The following ELMO1 variants were observed in gnomAD, a reference collection of about 807,000 sequenced individuals.
ELMO1 encodes the protein engulfment and cell motility 1, also known as engulfment and cell motility protein 1.
A neutral mutation model predicts 98.9 loss-of-function variants in ELMO1; 26 were observed. That is an observed-to-expected ratio of 0.26 (90% CI 0.19 to 0.36). The LOEUF is 0.36. Ranked by LOEUF, ELMO1 falls within the 10% of genes least tolerant of loss-of-function variation. The pLI is 1.00. For synonymous variants in ELMO1, 346 were observed against 346.0 expected, an observed-to-expected ratio of 1.00 and a Z score of 0.00; for missense variants, 627 against 935.2, an observed-to-expected ratio of 0.67 and a Z score of 4.30.
At chr7:37,202,460 C>G (rs999891756) in intron 13 of ELMO1, among the ~76,000 whole-genome samples, 1 of 152,214 alleles carries the variant, frequency 6.6e-6, no homozygotes, top group Non-Finnish European at 1.5e-5. Flanking sequence ...ATGATAAAAT[C>G]ACACTGGGAT....
chr7:36,935,176 T>G (rs1358139126), intron 16 of ELMO1, among the ~76,000 whole-genome samples: 1 of 152,152 alleles, frequency 6.6e-6, no homozygotes, highest in Non-Finnish European at 1.5e-5. Context: ...CGCCAGTGAA[T>G]AAGTCTCACG....
chr7:37,288,132 G>A (rs1797488575), intron 4 of ELMO1, among the ~76,000 whole-genome samples: 1 of 151,942 alleles, frequency 6.6e-6, no homozygotes. Context: ...GCTAATTTTT[G>A]TATTTTTGGT....
intron 1 of ELMO1, among the ~76,000 whole-genome samples, chr7:37,373,649 A>G (rs1802209593): frequency 6.6e-6 from 1 of 152,054 alleles, no homozygotes. Context: ...TTATGGTGCT[A>G]TTTTAATTTT....
At chr7:37,269,634 G>A (rs1256764129) in intron 5 of ELMO1, 8 of 152,076 alleles carry the variant, frequency 5.3e-5, no homozygotes, top group Non-Finnish European at 1.5e-5. Context: ...TAGTAGAGAC[G>A]GGGTTTACAC....
chr7:37,055,913 T>A (rs1366698413), intron 15 of ELMO1, among the ~76,000 whole-genome samples: 1 of 152,154 alleles, frequency 6.6e-6, no homozygotes, highest in African/African-American at 2.4e-5. Context: ...AGCCCTAAAT[T>A]TTCATGTTTT....
chr7:37,312,640 T>C (rs183471259), intron 4 of ELMO1, among the ~76,000 whole-genome samples: 18 of 152,286 alleles, frequency 1.2e-4, no homozygotes, highest in Admixed American at 3.3e-4. Context: ...CACTGTACCA[T>C]GCTTATGTTC....
chr7:37,127,728 C>A (rs905006966), intron 14 of ELMO1, among the ~76,000 whole-genome samples: 7 of 152,226 alleles, frequency 4.6e-5, no homozygotes, highest in African/African-American at 1.7e-4. Flanking sequence ...TTAAGTATTT[C>A]TTATTATTCC....
intron 16 of ELMO1, among the ~76,000 whole-genome samples, chr7:36,988,795 G>A (rs1320301301): frequency 6.6e-6 from 1 of 152,218 alleles, no homozygotes; most frequent in African/African-American, 2.4e-5. Context: ...TGACTGGGAG[G>A]ATGGTGTAAG....
chr7:37,188,987 G>A (rs994408004), intron 13 of ELMO1, among the ~76,000 whole-genome samples: 3 of 152,146 alleles, frequency 2.0e-5, no homozygotes, highest in Non-Finnish European at 2.9e-5. Context: ...TTATATTTAT[G>A]TTATAAAATA....
intron 13 of ELMO1, among the ~76,000 whole-genome samples, chr7:37,203,730 C>A (rs535981164): frequency 6.6e-6 from 1 of 151,578 alleles, no homozygotes; most frequent in Non-Finnish European, 1.5e-5. Context: ...AGGACCCAGG[C>A]GGCAAGGGTC....
chr7:37,365,741 T>C (rs1245004791), intron 1 of ELMO1, among the ~76,000 whole-genome samples: 2 of 152,244 alleles, frequency 1.3e-5, no homozygotes, highest in Non-Finnish European at 2.9e-5. Context: ...TAGGTTCCTT[T>C]CTTTCAGTCA....
chr7:37,292,405 G>A (rs1348809485), intron 4 of ELMO1, among the ~76,000 whole-genome samples: 1 of 74,634 alleles, frequency 1.3e-5, no homozygotes, highest in African/African-American at 3.5e-5. Flanking sequence ...CCGCCTGGCC[G>A]CCCATCATCT....
chr7:37,147,713 C>T (rs763636459), intron 13 of ELMO1, among the ~76,000 whole-genome samples: 2 of 151,842 alleles, frequency 1.3e-5, no homozygotes, highest in African/African-American at 2.4e-5. Flanking sequence ...CATGTGGACA[C>T]GATGCACAGT....
At chr7:37,321,942 C>T (rs1327737699) in intron 2 of ELMO1, among the ~76,000 whole-genome samples, 2 of 149,828 alleles carry the variant, frequency 1.3e-5, no homozygotes, top group African/African-American at 4.9e-5. Flanking sequence ...ACTGCAACCT[C>T]CCCACCTCCC....
At chr7:37,286,918 G>A (rs1237325978) in intron 4 of ELMO1, among the ~76,000 whole-genome samples, 1 of 152,150 alleles carries the variant, frequency 6.6e-6, no homozygotes, top group African/African-American at 2.4e-5. Context: ...TCATAGGCTG[G>A]GCACAGTGGC....
At chr7:36,913,944 T>C (rs1562819454) in intron 16 of ELMO1, among the ~76,000 whole-genome samples, 1 of 152,194 alleles carries the variant, frequency 6.6e-6, no homozygotes, top group Non-Finnish European at 1.5e-5. Flanking sequence ...AAAGCAAGGA[T>C]TATTACCTGA....
intron 16 of ELMO1, among the ~76,000 whole-genome samples, chr7:36,994,166 T>A (rs1792047407): frequency 6.6e-6 from 1 of 152,198 alleles, no homozygotes; most frequent in African/African-American, 2.4e-5. Context: ...TTGAAAACAA[T>A]AAAGTTCCAT....
chr7:37,130,972 T>C (rs541120431), intron 14 of ELMO1, among the ~76,000 whole-genome samples: 2 of 152,288 alleles, frequency 1.3e-5, no homozygotes, highest in South Asian at 4.2e-4. Flanking sequence ...ATTGAGCCCA[T>C]CTTTATGTTT....
intron 15 of ELMO1, among the ~76,000 whole-genome samples, chr7:37,074,677 GGT>G (rs1797466722): frequency 6.6e-6 from 1 of 152,202 alleles, no homozygotes; most frequent in African/African-American, 2.4e-5. Flanking sequence ...AGTTTTGTGT[GGT>G]GGTGGCAATA....
Sources: gnomAD v4.1 joint callset for allele counts (sites outside exome capture counted in the v4.1 genomes callset) on GRCh38, gnomAD v4.1.1 for gene constraint, MANE v1.5 for transcripts, NCBI Gene and HGNC (gene_info 2026-07-23, HGNC 2026-07-21) for gene names.